Variants in AHSG observed in about 807,000 individuals in gnomAD.
AHSG encodes alpha 2-HS glycoprotein.
In AHSG, 23 loss-of-function variants were observed where a neutral mutation model predicts 30.1. That is an observed-to-expected ratio of 0.76 (90% CI 0.55 to 1.08). AHSG has a LOEUF of 1.08. Ranked by LOEUF, AHSG falls within the 50% of genes least tolerant of loss-of-function variation. The pLI, the probability that AHSG is intolerant of heterozygous loss-of-function variation, is 0.00. For missense variants in AHSG, 469 were observed against 459.5 expected (o/e 1.02, Z -0.19); for synonymous variants, 164 against 186.3 (o/e 0.88, Z 0.98).
chr3:186,613,992 T>C (rs115036351), intron 1 of AHSG, among the ~76,000 whole-genome samples: 2,443 of 152,156 alleles, frequency 0.016, 24 homozygotes, highest in Non-Finnish European at 0.027. Context: ...TTTGATTCCA[T>C]ATCTGTGTTC....
At position 186,617,197 on chromosome 3, in the gene AHSG, G is replaced by C. The variant is rs761843421; in HGVS notation, c.420G>C (p.Glu140Asp). 9 of 1,611,764 alleles carry C rather than the reference G, an allele frequency of 5.6e-6. No homozygotes were observed. The highest frequency in any genetic ancestry group is 7.6e-6 in the Non-Finnish European group (9 of 1,178,996). ...AKCDSSPDSA[E>D]DVRKVCQDCP... Reference sequence around the variant, plus strand: ...CCTCTCTCCGAGCAGACTCAGCCGAGGACGTGCGCAAGGTGTGCCAAGACT... The same window carrying C: ...CCTCTCTCCGAGCAGACTCAGCCGACGACGTGCGCAAGGTGTGCCAAGACT... Residue 140 changes from glutamate to aspartate, a missense_variant, in exon 4 of 7, where the codon GAG becomes GAC. Glu to Asp is a conservative substitution (Grantham distance 45). Transcript: ENST00000411641.
chr3:186,615,553 A>T (rs1716270131), intron 1 of AHSG, 132 bp from the exon 2 acceptor site: 1 of 682,160 alleles, frequency 1.5e-6, no homozygotes, highest in African/African-American at 1.8e-5. Context: ...TTGCAGACTG[A>T]CAGTAAGAAT....
At chr3:186,613,909 TTTTTTTG>T (rs749447164) in intron 1 of AHSG, among the ~76,000 whole-genome samples, 62 of 151,682 alleles carry the variant, frequency 4.1e-4, no homozygotes, top group Non-Finnish European at 7.2e-4. Context: ...GTGTGTGCAG[TTTTTTTG>T]TTTTTTGTTT....
chr3:186,618,292 A>G (rs1042005130), intron 4 of AHSG, among the ~76,000 whole-genome samples: 3 of 152,098 alleles, frequency 2.0e-5, no homozygotes, highest in Non-Finnish European at 2.9e-5. Context: ...ACCCTGAAGG[A>G]CCGGTGATGG....
At position 186,613,094 on chromosome 3, in the gene AHSG, G is replaced by A. The variant is rs374884127; in HGVS notation, c.-48G>A. The A allele has an allele frequency of 5.2e-4, 822 of 1,584,346 alleles. 2 individuals are homozygous for A. The highest frequency in any genetic ancestry group is 6.8e-4 in the Non-Finnish European group (786 of 1,156,378). On this transcript the variant is annotated 5_prime_UTR_variant, in exon 1 of 7. Transcript: ENST00000411641. ...CCAGCAGAGCACCTGGGTTGGTCCCGAAGCCTCCAACCACCTGCACGCCTG... is the reference window on the plus strand; with the variant it reads ...CCAGCAGAGCACCTGGGTTGGTCCCAAAGCCTCCAACCACCTGCACGCCTG...
intron 1 of AHSG, among the ~76,000 whole-genome samples, chr3:186,614,868 G>C (rs985400437): frequency 1.3e-5 from 2 of 152,194 alleles, no homozygotes; most frequent in Non-Finnish European, 2.9e-5. Context: ...TGGGCTGAGA[G>C]GAGAAAAGGC....
chr3:186,617,835 T>C (rs960240598), intron 4 of AHSG: 6 of 227,344 alleles, frequency 2.6e-5, no homozygotes, highest in Non-Finnish European at 5.4e-5. Flanking sequence ...CTCATTGTAC[T>C]GTGGGTGGTT....
chr3:186,617,048 G>A lies in AHSG; in HGVS notation c.410-139G>A. 6.7e-6 allele frequency: 10 copies of A among 1,490,970 alleles called. No homozygotes were observed. In the South Asian group the frequency reaches 7.0e-5, roughly 11 times the overall value. The allele number at this position is 1,490,970 out of a possible 1,614,324, so 92.4% of individuals were successfully genotyped here. Reference sequence around the variant, plus strand: ...CTGCAGAAATGTCAGCATAGCAAAAGCCTTTTGAAGGTTTAGTAAGAAGCA... The same window carrying A: ...CTGCAGAAATGTCAGCATAGCAAAAACCTTTTGAAGGTTTAGTAAGAAGCA... On this transcript the variant is annotated intron_variant, in intron 3 of 6. Coordinates refer to ENST00000411641, the MANE Select transcript of AHSG (RefSeq NM_001622.4).
Position 186,619,913 on chromosome 3 carries a change from A to G in AHSG, c.732A>G (p.Ala244=), listed in dbSNP as rs748467513. 7 of 1,613,660 alleles carry G rather than the reference A, an allele frequency of 4.3e-6. No individual in the cohort carries two copies. In the Admixed American group the frequency reaches 8.4e-5, roughly 19 times the overall value. Residue 244 remains alanine (A), a synonymous_variant, in exon 6 of 7, where the codon GCA becomes GCG. Transcript: ENST00000411641. ...AGAAGCTTGGTGGGGCAGAGGTTGC[A>G]GTGACCTGCATGGTGTTCCAAACAC... The part of the protein sequence containing the change: ...LSEKLGGAEV[A]VTCMVFQTQP...
Position 186,620,709 on chromosome 3 carries a change from C to G in AHSG, c.883C>G (p.Pro295Ala), listed in dbSNP as rs754044852. The G allele has an allele frequency of 6.2e-7, 1 of 1,614,214 alleles. No homozygotes were observed. The highest frequency in any genetic ancestry group is 1.7e-5 in the Admixed American group (1 of 60,028). Residue 295 changes from proline to alanine, a missense_variant, in exon 7 of 7, where the codon CCA (proline) becomes GCA (alanine). Physicochemically the swap from Pro to Ala is conservative, Grantham distance 27 (BLOSUM62 -1). Coordinates refer to ENST00000411641, the MANE Select transcript of AHSG (RefSeq NM_001622.4). ...TGGACTCCCTCCAGCTGGCTCACCCCCAGACTCCCATGTGTTACTGGCAGC... is the reference window on the plus strand; with the variant it reads ...TGGACTCCCTCCAGCTGGCTCACCCGCAGACTCCCATGTGTTACTGGCAGC... The part of the protein sequence containing the change: ...APGLPPAGSP[P>A]DSHVLLAAPP...
Position 186,613,271 on chromosome 3 carries a change from G to C in AHSG, c.130G>C (p.Ala44Pro). Reference protein sequence around the residue: ...DPETEEAALVAIDYINQNLPW... With the variant: ...DPETEEAALVPIDYINQNLPW... ...AGAAACTGAGGAAGCAGCTCTGGTG[G>C]CTATAGACTACATCAATCAAAACCT... The change falls in exon 1 of 7, where the codon GCT becomes CCT. Residue 44 changes from alanine to proline, a missense_variant. By Grantham distance (27) the Ala-to-Pro change is conservative. Transcript: ENST00000411641. 3.7e-6 allele frequency: 6 copies of C among 1,614,176 alleles called. No homozygotes were observed. The highest frequency in any genetic ancestry group is 5.1e-6 in the Non-Finnish European group (6 of 1,180,038).
intron 4 of AHSG, among the ~76,000 whole-genome samples, chr3:186,618,202 T>TG (rs1219208805): frequency 1.3e-5 from 2 of 152,146 alleles, no homozygotes; most frequent in Admixed American, 6.5e-5. Flanking sequence ...GAGTGAGGGC[T>TG]GGGGGGAGGC....
At chr3:186,617,073 A>T in intron 3 of AHSG, 114 bp from the exon 4 acceptor site, 1 of 1,511,464 alleles carries the variant, frequency 6.6e-7, no homozygotes, top group South Asian at 1.3e-5. Context: ...AGTAAGAAGC[A>T]GAGAAAGTGC....
intron 4 of AHSG, chr3:186,617,671 G>C (rs930133380): frequency 2.4e-6 from 1 of 420,650 alleles, no homozygotes. Context: ...AGTTGCCCAC[G>C]TCGGCCAGAA....
rs200490113 is a variant in AHSG at position 186,613,115 on chromosome 3, G to C, written c.-27G>C. On this transcript the variant is annotated 5_prime_UTR_variant, in exon 1 of 7. Transcript: ENST00000411641. ...TCCCGAAGCCTCCAACCACCTGCAC[G>C]CCTGCCAGGGCCTCTCTGGGGCAGC... 1 of 1,611,732 alleles carries C rather than the reference G, an allele frequency of 6.2e-7. No homozygotes were observed. Among genetic ancestry groups the C allele is most frequent in the African/African-American group, 1.3e-5 (1 of 74,954 alleles).
In AHSG at chr3:186,619,937, A is replaced by G; in HGVS notation, c.756A>G (p.Thr252=). Residue 252 remains threonine, a synonymous_variant, in exon 6 of 7, where the codon ACA becomes ACG. Coordinates refer to ENST00000411641, the MANE Select transcript of AHSG (RefSeq NM_001622.4). ...CAGTGACCTGCATGGTGTTCCAAACACAGGTAACAGCTCCGTGAATATTCT... is the reference window on the plus strand; with the variant it reads ...CAGTGACCTGCATGGTGTTCCAAACGCAGGTAACAGCTCCGTGAATATTCT... ...EVAVTCMVFQ[T]QPVSSQPQPE... is the part of the protein sequence containing the mutation. The G allele has an allele frequency of 1.2e-6, 2 of 1,609,966 alleles. No homozygotes were observed. Among genetic ancestry groups the G allele is most frequent in the Non-Finnish European group, 1.7e-6 (2 of 1,178,576 alleles).
At chr3:186,614,467 G>A (rs1716235679) in intron 1 of AHSG, among the ~76,000 whole-genome samples, 1 of 152,180 alleles carries the variant, frequency 6.6e-6, no homozygotes, top group Non-Finnish European at 1.5e-5. Context: ...ACCGACTGAC[G>A]ACTGCCATCC....
intron 2 of AHSG, 72 bp downstream of exon 2, chr3:186,615,867 C>T (rs981713529): frequency 1.4e-6 from 2 of 1,393,966 alleles, no homozygotes; most frequent in Middle Eastern, 1.8e-4. Flanking sequence ...GCGTCTCAGC[C>T]TGCCTTCTTG....
Position 186,621,191 on chromosome 3 carries a change from T to A in AHSG, c.*261T>A. ...GGTAAGCCACCATGATTGTGTTCTC[T>A]GCCTCTGGTTGACCTTACAAAAACC... On this transcript the variant is annotated 3_prime_UTR_variant, in exon 7 of 7. Transcript: ENST00000411641. 2.1e-6 allele frequency: 1 copy of A among 465,874 alleles called. No homozygotes were observed. The highest frequency in any genetic ancestry group is 3.9e-6 in the Non-Finnish European group (1 of 256,866). 28.9% of individuals were successfully genotyped at this position (465,874 alleles called of 1,614,324 possible). A position where few individuals can be genotyped will look rare whatever the true frequency, so the allele number is the denominator to read the frequency against.
Sources: gnomAD v4.1 joint callset for allele counts (sites outside exome capture counted in the v4.1 genomes callset) on GRCh38, gnomAD v4.1.1 for gene constraint, MANE v1.5 for transcripts, NCBI Gene and HGNC (gene_info 2026-07-23, HGNC 2026-07-21) for gene names.